Variants in CORIN observed in about 807,000 individuals in gnomAD.
CORIN encodes the protein corin, serine peptidase.
CORIN carries 117 observed loss-of-function variants against 125.3 expected under a neutral mutation model. That is an observed-to-expected ratio of 0.93 (90% CI 0.80 to 1.09). The LOEUF is 1.09. CORIN is among the 50% of genes least tolerant of loss of function. The probability of loss-of-function intolerance (pLI) is 0.00; values close to 1 mark genes in which losing one functional copy is unlikely to be tolerated. For missense variants in CORIN, 1,253 were observed against 1,306.7 expected (o/e 0.96, Z 0.63); for synonymous variants, 450 against 466.4 (o/e 0.96, Z 0.45).
intron 2 of CORIN, among the ~76,000 whole-genome samples, chr4:47,803,804 C>A (rs981695793): frequency 6.6e-6 from 1 of 152,178 alleles, no homozygotes; most frequent in African/African-American, 2.4e-5. Context: ...GCAAAAATTT[C>A]TTGAGTCATA....
chr4:47,658,567 T>C (rs1179191441), intron 12 of CORIN, among the ~76,000 whole-genome samples: 2 of 152,224 alleles, frequency 1.3e-5, no homozygotes, highest in Non-Finnish European at 2.9e-5. Flanking sequence ...CTCTGAGCCA[T>C]GGCTAAAGGT....
intron 19 of CORIN, among the ~76,000 whole-genome samples, chr4:47,620,569 G>T (rs1233134464): frequency 2.0e-5 from 3 of 152,272 alleles, no homozygotes; most frequent in Admixed American, 6.5e-5. Flanking sequence ...ACTAACAGGG[G>T]TTACCTTAAG....
intron 16 of CORIN, among the ~76,000 whole-genome samples, chr4:47,631,446 T>G (rs1399119425): frequency 6.6e-6 from 1 of 151,964 alleles, no homozygotes; most frequent in Admixed American, 6.6e-5. Context: ...GGGATCTGGG[T>G]TGCGTGCTTC....
intron 19 of CORIN, among the ~76,000 whole-genome samples, chr4:47,621,347 C>G (rs1722301700): frequency 6.6e-6 from 1 of 152,180 alleles, no homozygotes; most frequent in African/African-American, 2.4e-5. Flanking sequence ...ACTGAGGCCC[C>G]AGCCAACAGG....
chr4:47,763,565 TG>T lies in CORIN; in HGVS notation c.430del (p.His144ThrfsTer13). ...RNTSACMNIT[H>X]SQCQMLPYHA... Reference sequence around the variant, plus strand: ...GTAGGGCAGCATCTGACACTGGCTGTGGGTGATGTTCATACAGGCACCTGGG... The same window carrying T: ...GTAGGGCAGCATCTGACACTGGCTGTGGTGATGTTCATACAGGCACCTGGG... On this transcript the variant is annotated frameshift_variant, in exon 4 of 22. Transcript: ENST00000273857. LOFTEE classifies it high-confidence loss of function. 1 of 1,614,152 alleles carries T rather than the reference TG, an allele frequency of 6.2e-7. No individual in the cohort carries two copies. Among genetic ancestry groups the T allele is most frequent in the Admixed American group, 1.7e-5 (1 of 60,014 alleles).
chr4:47,597,167 C>T (rs142618440), intron 21 of CORIN, among the ~76,000 whole-genome samples: 3 of 152,178 alleles, frequency 2.0e-5, no homozygotes, highest in Admixed American at 6.5e-5. Context: ...ACTTGATCAA[C>T]ATGGTGAAAC....
chr4:47,706,896 G>C (rs1726594889), intron 5 of CORIN: 1 of 1,599,486 alleles, frequency 6.3e-7, no homozygotes, highest in Non-Finnish European at 8.5e-7. Flanking sequence ...CGTGGCCTTG[G>C]AAAGGGCCAT....
rs949727522 is a variant in CORIN at position 47,709,285 on chromosome 4, T to G, written c.800-16202A>C. On this transcript the variant is annotated intron_variant, in intron 5 of 21. Coordinates refer to ENST00000273857, the MANE Select transcript of CORIN (RefSeq NM_006587.4). Reference sequence around the variant, plus strand: ...AATTTGCAGTACTTTATTTATTTATTTATTTATTTATTTATTTATTTATTT... The same window carrying G: ...AATTTGCAGTACTTTATTTATTTATGTATTTATTTATTTATTTATTTATTT... 7.2e-5 allele frequency among the ~76,000 whole-genome samples: 11 copies of G among 151,824 alleles called. No homozygotes were observed. In the East Asian group the frequency reaches 1.7e-3, roughly 24 times the overall value.
intron 12 of CORIN, among the ~76,000 whole-genome samples, chr4:47,660,049 T>G (rs1724174475): frequency 6.6e-6 from 1 of 152,152 alleles, no homozygotes; most frequent in South Asian, 2.1e-4. Context: ...TACAGTGAAC[T>G]CATTTTCAGC....
intron 6 of CORIN, among the ~76,000 whole-genome samples, chr4:47,690,642 G>T (rs937928185): frequency 6.6e-6 from 1 of 152,152 alleles, no homozygotes; most frequent in Non-Finnish European, 1.5e-5. Flanking sequence ...CTACTTGCGA[G>T]AACCTTAGGA....
intron 18 of CORIN, 58 bp downstream of exon 18, chr4:47,623,839 CCT>C: frequency 6.2e-7 from 1 of 1,606,612 alleles, no homozygotes; most frequent in Non-Finnish European, 8.5e-7. Flanking sequence ...TCACTCTTCC[CCT>C]GAGCCAATCC....
At chr4:47,637,609 C>T (rs1723076687) in intron 16 of CORIN, among the ~76,000 whole-genome samples, 1 of 152,192 alleles carries the variant, frequency 6.6e-6, no homozygotes, top group Non-Finnish European at 1.5e-5. Flanking sequence ...GGTGGAAGCC[C>T]CAAGCATTGG....
intron 7 of CORIN, chr4:47,681,483 C>T (rs951838609): frequency 1.3e-5 from 2 of 152,200 alleles, no homozygotes; most frequent in African/African-American, 4.8e-5. Flanking sequence ...TACCTGCATG[C>T]TGGCCCTCTC....
At chr4:47,733,200 A>G (rs985131903) in intron 5 of CORIN, among the ~76,000 whole-genome samples, 6 of 152,216 alleles carry the variant, frequency 3.9e-5, no homozygotes, top group African/African-American at 1.4e-4. Flanking sequence ...ACACAATTCT[A>G]CCACTTAGGT....
chr4:47,803,602 C>A (rs758074642), intron 2 of CORIN, among the ~76,000 whole-genome samples: 3 of 152,140 alleles, frequency 2.0e-5, no homozygotes, highest in Non-Finnish European at 4.4e-5. Context: ...ACATACATTG[C>A]GGAAAGAACA....
chr4:47,770,889 T>C (rs1391036032), intron 3 of CORIN, among the ~76,000 whole-genome samples: 2 of 152,092 alleles, frequency 1.3e-5, no homozygotes, highest in African/African-American at 4.8e-5. Context: ...AGGGTGAGGA[T>C]TGCAATATGT....
intron 5 of CORIN, among the ~76,000 whole-genome samples, chr4:47,708,107 T>C (rs1301758877): frequency 2.6e-5 from 4 of 152,226 alleles, no homozygotes; most frequent in African/African-American, 9.6e-5. Flanking sequence ...GTTCATGCTG[T>C]TAATATCAAT....
intron 7 of CORIN, chr4:47,683,081 C>A (rs1031176350): frequency 6.6e-6 from 1 of 152,222 alleles, no homozygotes; most frequent in Non-Finnish European, 1.5e-5. Context: ...CTACGTCACT[C>A]AATAATATGC....
intron 2 of CORIN, among the ~76,000 whole-genome samples, chr4:47,787,459 A>G (rs1478572562): frequency 6.6e-6 from 1 of 152,078 alleles, no homozygotes; most frequent in Non-Finnish European, 1.5e-5. Context: ...TGCATCACAC[A>G]CAAATAAAAA....
Sources: gnomAD v4.1 joint callset for allele counts (sites outside exome capture counted in the v4.1 genomes callset) on GRCh38, gnomAD v4.1.1 for gene constraint, MANE v1.5 for transcripts, NCBI Gene and HGNC (gene_info 2026-07-23, HGNC 2026-07-21) for gene names.